The following NBEA variants were observed in gnomAD, a reference collection of about 807,000 sequenced individuals.
NBEA encodes the protein neurobeachin, also known as lysosomal-trafficking regulator 2.
In NBEA, 44 loss-of-function variants were observed where a neutral mutation model predicts 343.4. That is an observed-to-expected ratio of 0.13 (90% CI 0.10 to 0.16). The LOEUF (loss-of-function observed/expected upper bound fraction) is 0.16. NBEA is among the 10% of genes least tolerant of loss of function. The pLI, the probability that NBEA is intolerant of heterozygous loss-of-function variation, is 1.00. For missense variants in NBEA, 2,555 were observed against 3,631.3 expected (o/e 0.70, Z 7.62); for synonymous variants, 1,175 against 1,238.7 (o/e 0.95, Z 1.08).
intron 47 of NBEA, among the ~76,000 whole-genome samples, chr13:35,599,213 C>T (rs1346517093): frequency 6.6e-6 from 1 of 152,150 alleles, no homozygotes. Flanking sequence ...TGCCTCATCG[C>T]AAGCCAGAAT....
intron 34 of NBEA, among the ~76,000 whole-genome samples, chr13:35,234,487 G>A (rs984832846): frequency 9.9e-5 from 15 of 152,094 alleles, no homozygotes; most frequent in African/African-American, 3.1e-4. Context: ...GCAGTCTAAT[G>A]AGCAAAGAGA....
At chr13:35,075,237 T>C (rs1453413506) in intron 10 of NBEA, among the ~76,000 whole-genome samples, 2 of 152,164 alleles carry the variant, frequency 1.3e-5, no homozygotes, top group African/African-American at 4.8e-5. Flanking sequence ...CAACTTTATC[T>C]GATTGTAATA....
chr13:34,946,393 C>A (rs905353191), intron 1 of NBEA, among the ~76,000 whole-genome samples: 2 of 151,958 alleles, frequency 1.3e-5, no homozygotes, highest in African/African-American at 4.8e-5. Flanking sequence ...ATGTAAGTAT[C>A]GTGTTATTGT....
chr13:35,546,507 G>A (rs1025315285), intron 41 of NBEA, among the ~76,000 whole-genome samples: 5 of 150,232 alleles, frequency 3.3e-5, no homozygotes, highest in Non-Finnish European at 7.4e-5. Context: ...CTCTTAAATT[G>A]TGTGTCAGAA....
chr13:35,671,848 G>T lies in NBEA; in HGVS notation c.*857G>T, dbSNP rs1347371012. On this transcript the variant is annotated 3_prime_UTR_variant, in exon 59 of 59. Transcript: ENST00000379939. ...GGTCCTGGTTTTTCTTGTATAAATA[G>T]GAGTCATGGGCGTTAGTTCTGTAGT... The T allele has an allele frequency of 6.6e-6, 1 of 152,578 alleles. No homozygotes were observed. 9.5% of individuals were successfully genotyped at this position (152,578 alleles called of 1,614,324 possible).
intron 1 of NBEA, among the ~76,000 whole-genome samples, chr13:35,008,173 G>T (rs2061374918): frequency 6.6e-6 from 1 of 152,048 alleles, no homozygotes; most frequent in Non-Finnish European, 1.5e-5. Context: ...ATCGGTTTTT[G>T]TTTTAATTGA....
intron 1 of NBEA, among the ~76,000 whole-genome samples, chr13:34,979,379 G>A (rs1359862770): frequency 6.6e-6 from 1 of 152,118 alleles, no homozygotes; most frequent in African/African-American, 2.4e-5. Flanking sequence ...AATTAGCTGG[G>A]CATGGTGGCG....
chr13:35,337,664 G>A (rs769257734), intron 36 of NBEA, among the ~76,000 whole-genome samples: 6 of 152,062 alleles, frequency 3.9e-5, no homozygotes, highest in Non-Finnish European at 5.9e-5. Flanking sequence ...TTTAACAGTA[G>A]CAGGCACATG....
intron 36 of NBEA, among the ~76,000 whole-genome samples, chr13:35,341,757 A>G (rs1594281795): frequency 6.6e-6 from 1 of 152,048 alleles, no homozygotes; most frequent in East Asian, 1.9e-4. Flanking sequence ...AGAAATTGGA[A>G]CCCTCACACT....
intron 40 of NBEA, among the ~76,000 whole-genome samples, chr13:35,470,395 A>C (rs1260782292): frequency 1.3e-5 from 2 of 151,816 alleles, no homozygotes; most frequent in Non-Finnish European, 2.9e-5. Flanking sequence ...TCATGTTCTC[A>C]ATTTGGATAC....
At chr13:35,363,446 AC>A (rs1479852224) in intron 38 of NBEA, among the ~76,000 whole-genome samples, 1 of 151,692 alleles carries the variant, frequency 6.6e-6, no homozygotes, top group Non-Finnish European at 1.5e-5. Flanking sequence ...TTCTTATATT[AC>A]CTTCCTAGCC....
intron 17 of NBEA, among the ~76,000 whole-genome samples, chr13:35,125,730 T>TACATGATAAATAATAAA (rs1333814608): frequency 1.3e-5 from 2 of 152,118 alleles, no homozygotes; most frequent in Non-Finnish European, 2.9e-5. Context: ...TAAGTTAAAG[T>TACATGATAAATAATAAA]AACCAGTACA....
chr13:35,511,057 T>C (rs2077255571), intron 41 of NBEA, among the ~76,000 whole-genome samples: 1 of 152,152 alleles, frequency 6.6e-6, no homozygotes, highest in South Asian at 2.1e-4. Flanking sequence ...ATCATTCAAG[T>C]TTGCTATTGA....
intron 1 of NBEA, among the ~76,000 whole-genome samples, chr13:35,039,587 T>C (rs1295342079): frequency 1.3e-5 from 2 of 152,196 alleles, no homozygotes; most frequent in African/African-American, 4.8e-5. Flanking sequence ...ACTCTGTGCC[T>C]ATGATTCCTT....
At chr13:35,214,413 C>T (rs2073953027) in intron 33 of NBEA, among the ~76,000 whole-genome samples, 1 of 151,838 alleles carries the variant, frequency 6.6e-6, no homozygotes. Flanking sequence ...TTGGTATTGT[C>T]AGTCTTTTTA....
At chr13:35,189,451 T>C (rs1473466762) in intron 30 of NBEA, among the ~76,000 whole-genome samples, 1 of 152,088 alleles carries the variant, frequency 6.6e-6, no homozygotes, top group East Asian at 1.9e-4. Flanking sequence ...ATCAGATATA[T>C]AATTATATAT....
chr13:35,125,088 G>T (rs889202377), intron 17 of NBEA, among the ~76,000 whole-genome samples: 2 of 152,156 alleles, frequency 1.3e-5, no homozygotes, highest in African/African-American at 4.8e-5. Flanking sequence ...GCAGTTTCCT[G>T]TATAAAGATG....
intron 36 of NBEA, among the ~76,000 whole-genome samples, chr13:35,333,166 A>G (rs1238101044): frequency 6.6e-6 from 1 of 152,124 alleles, no homozygotes; most frequent in Non-Finnish European, 1.5e-5. Flanking sequence ...ATGCATGAGA[A>G]TCATCAAGGG....
chr13:35,019,288 T>G (rs1387735181), intron 1 of NBEA, among the ~76,000 whole-genome samples: 2 of 151,198 alleles, frequency 1.3e-5, no homozygotes, highest in Non-Finnish European at 2.9e-5. Flanking sequence ...TTTCATTAAA[T>G]TTTTTTTTGT....
Sources: allele counts gnomAD v4.1 joint callset (sites outside exome capture counted in the v4.1 genomes callset), GRCh38; gene constraint gnomAD v4.1.1; transcripts MANE v1.5; gene names NCBI Gene and HGNC (gene_info 2026-07-23, HGNC 2026-07-21).